Variants in CASD1 observed in about 807,000 individuals in gnomAD.
CASD1 encodes CAS1 domain sialic acid O acetyltransferase 1.
CASD1 carries 41 observed loss-of-function variants against 100.0 expected under a neutral mutation model. That is an observed-to-expected ratio of 0.41 (90% confidence interval 0.32 to 0.53). The LOEUF (loss-of-function observed/expected upper bound fraction) is 0.53, where lower values mean the gene tolerates loss of function less well. Among genes scored for constraint, CASD1 ranks in the 20% least tolerant of loss-of-function variants. CASD1 has a pLI of 0.25. For synonymous variants in CASD1, 321 were observed against 315.6 expected (o/e 1.02, Z -0.18); for missense variants, 774 against 948.7 (o/e 0.82, Z 2.42).
downstream of CASD1, among the ~76,000 whole-genome samples, chr7:94,558,885 C>T (rs537170139): frequency 5.3e-5 from 8 of 152,010 alleles, no homozygotes; most frequent in East Asian, 3.9e-4. Context: ...CTGCAACCTC[C>T]GCCTCCTGGG....
the CASD1 span, chr7:94,627,478 A>G: frequency 2.0e-5 from 3 of 152,098 alleles, no homozygotes; most frequent in South Asian, 6.2e-4. Flanking sequence ...ATCTGCCCCT[A>G]CCAGCATCAA....
the CASD1 span, chr7:94,628,163 C>CACACACAT: frequency 3.5e-6 from 5 of 1,438,214 alleles, no homozygotes; most frequent in Non-Finnish European, 2.9e-6. Flanking sequence ...CACACACACA[C>CACACACAT]ATATATGTAT....
the CASD1 span, chr7:94,599,754 T>C: frequency 7.0e-7 from 1 of 1,427,800 alleles, no homozygotes; most frequent in Middle Eastern, 1.8e-4. Context: ...ATGAATTAAA[T>C]AATAGCATTG....
intron 11 of CASD1, among the ~76,000 whole-genome samples, chr7:94,544,755 A>G (rs2116380733): frequency 6.6e-6 from 1 of 152,174 alleles, no homozygotes. Context: ...GCACTGGTAC[A>G]CAGGAGACAG....
At chr7:94,611,936 A>G in the CASD1 span, among the ~76,000 whole-genome samples, 1 of 152,206 alleles carries the variant, frequency 6.6e-6, no homozygotes, top group Non-Finnish European at 1.5e-5. Flanking sequence ...AATTCAGAAC[A>G]AAAGTAGAGA....
chr7:94,592,668 T>A, the CASD1 span, among the ~76,000 whole-genome samples: 1 of 152,018 alleles, frequency 6.6e-6, no homozygotes, highest in Admixed American at 6.6e-5. Flanking sequence ...AATAAGTGAG[T>A]TGGGGGGAGT....
In CASD1 at chr7:94,547,040, A is replaced by C; in HGVS notation, c.1634-56A>C. ...TACATATATCAAATAGAGAGTATTTAATATGTTGTCTAATATAAATTTATT... is the reference window on the plus strand; with the variant it reads ...TACATATATCAAATAGAGAGTATTTCATATGTTGTCTAATATAAATTTATT... On this transcript the variant is annotated intron_variant, in intron 12 of 17. Coordinates refer to ENST00000297273, the MANE Select transcript of CASD1 (RefSeq NM_022900.5). The C allele has an allele frequency of 2.8e-6, 3 of 1,071,678 alleles. No homozygotes were observed. In the Admixed American group the frequency reaches 6.1e-5, roughly 22 times the overall value. The allele number at this position is 1,071,678 out of a possible 1,614,324, so 66.4% of individuals were successfully genotyped here.
In CASD1 at chr7:94,528,240, T is replaced by A. The variant is rs762908815; in HGVS notation, c.449T>A (p.Val150Glu). 1 of 1,603,226 alleles carries A rather than the reference T, an allele frequency of 6.2e-7. No individual in the cohort carries two copies. Among genetic ancestry groups the A allele is most frequent in the Admixed American group, 1.7e-5 (1 of 58,848 alleles). The change falls in exon 5 of 18, where the codon GTG (valine) becomes GAG (glutamate). Residue 150 changes from valine to glutamate, a missense_variant. Transcript: ENST00000297273. ...GGTTCTATGAAACAGTGTATCAAAG[T>A]GTGGACTGAGGTCTGTATTTAAAAA... ...VNGSMKQCIK[V>E]WTEDSIAKPH...
intron 4 of CASD1, 45 bp from the exon 5 acceptor site, chr7:94,528,143 A>G: frequency 1.6e-6 from 2 of 1,274,828 alleles, no homozygotes; most frequent in African/African-American, 1.5e-5. Flanking sequence ...GGTGGAATTA[A>G]GAGTTTCTTC....
At chr7:94,599,590 G>A in the CASD1 span, 1 of 882,348 alleles carries the variant, frequency 1.1e-6, no homozygotes, top group Non-Finnish European at 1.9e-6. Flanking sequence ...AATAAACTAT[G>A]AAAGATGACA....
chr7:94,627,578 C>T, the CASD1 span: 1 of 152,390 alleles, frequency 6.6e-6, no homozygotes, highest in African/African-American at 2.4e-5. Flanking sequence ...TTTCTTATAC[C>T]TCTAAGATTT....
chr7:94,557,846 G>A (rs534888434), downstream of CASD1, among the ~76,000 whole-genome samples: 22 of 152,034 alleles, frequency 1.4e-4, no homozygotes, highest in Non-Finnish European at 2.9e-4. Flanking sequence ...AAAGGTTATT[G>A]TGGAAGTTGC....
chr7:94,514,589 TTTTG>T (rs1287818212), intron 1 of CASD1, among the ~76,000 whole-genome samples: 1 of 152,120 alleles, frequency 6.6e-6, no homozygotes, highest in Non-Finnish European at 1.5e-5. Context: ...TTCAGTTTGT[TTTTG>T]TTTGTTTGCT....
At chr7:94,519,165 T>G (rs1198039384) in intron 3 of CASD1, among the ~76,000 whole-genome samples, 1 of 152,178 alleles carries the variant, frequency 6.6e-6, no homozygotes, top group African/African-American at 2.4e-5. Flanking sequence ...AAATATAACT[T>G]TGAAAACTAA....
the CASD1 span, chr7:94,625,477 T>C: frequency 6.6e-6 from 1 of 152,026 alleles, no homozygotes; most frequent in Admixed American, 6.6e-5. Context: ...AGTACATGTG[T>C]TTCTCTCCTA....
intron 13 of CASD1, among the ~76,000 whole-genome samples, chr7:94,547,653 AT>A (rs150377945): frequency 0.08 from 11,858 of 148,644 alleles, 675 homozygotes; most frequent in Non-Finnish European, 0.11. Flanking sequence ...ACTTTTGGTC[AT>A]TTTTTTTTTA....
chr7:94,542,531 T>C (rs1795460802), intron 10 of CASD1, among the ~76,000 whole-genome samples: 1 of 152,336 alleles, frequency 6.6e-6, no homozygotes, highest in Non-Finnish European at 1.5e-5. Context: ...TTTAAAATGC[T>C]CTGGTAACCT....
intron 1 of CASD1, among the ~76,000 whole-genome samples, chr7:94,516,540 TG>T (rs1391366567): frequency 6.6e-6 from 1 of 152,198 alleles, no homozygotes; most frequent in East Asian, 1.9e-4. Context: ...AACTTGCTAT[TG>T]ACTATTGATA....
At chr7:94,616,636 T>G in the CASD1 span, among the ~76,000 whole-genome samples, 1 of 152,290 alleles carries the variant, frequency 6.6e-6, no homozygotes, top group Non-Finnish European at 1.5e-5. Context: ...AAAGTATTAG[T>G]TAAGCATTGG....
Sources: allele counts gnomAD v4.1 joint callset (sites outside exome capture counted in the v4.1 genomes callset), GRCh38; gene constraint gnomAD v4.1.1; transcripts MANE v1.5; gene names NCBI Gene and HGNC (gene_info 2026-07-23, HGNC 2026-07-21).